The following FMN1 variants were observed in gnomAD, a reference collection of about 807,000 sequenced individuals.
FMN1 encodes the protein formin-1.
FMN1 carries 110 observed loss-of-function variants against 132.4 expected under a neutral mutation model. The observed-to-expected ratio is 0.83, with a 90% confidence interval of 0.71 to 0.97. The LOEUF (loss-of-function observed/expected upper bound fraction) is 0.97. Ranked by LOEUF, FMN1 falls within the 50% of genes least tolerant of loss-of-function variation. The probability of loss-of-function intolerance (pLI) is 0.00; values close to 1 mark genes in which losing one functional copy is unlikely to be tolerated. For synonymous variants in FMN1, 722 were observed against 651.7 expected, an observed-to-expected ratio of 1.11 and a Z score of -1.64; for missense variants, 1,792 against 1,705.3, an observed-to-expected ratio of 1.05 and a Z score of -0.90.
intron 5 of FMN1, among the ~76,000 whole-genome samples, chr15:33,070,000 T>C (rs1222573987): frequency 6.7e-4 from 87 of 129,008 alleles, no homozygotes; most frequent in Non-Finnish European, 1.1e-3. Context: ...TCTCTTTTTT[T>C]TTTTTTTTTT....
At chr15:32,828,249 G>C (rs796319288) in intron 17 of FMN1, among the ~76,000 whole-genome samples, 11 of 152,330 alleles carry the variant, frequency 7.2e-5, no homozygotes, top group African/African-American at 2.6e-4. Flanking sequence ...ACTCCAGCCT[G>C]GGCAACAGAG....
chr15:32,947,053 T>C (rs1455886665), intron 9 of FMN1, among the ~76,000 whole-genome samples: 1 of 152,194 alleles, frequency 6.6e-6, no homozygotes, highest in Non-Finnish European at 1.5e-5. Flanking sequence ...TCAATGATTT[T>C]ATTTTAATGT....
intron 6 of FMN1, among the ~76,000 whole-genome samples, chr15:33,009,946 G>A (rs981741736): frequency 6.6e-6 from 1 of 152,090 alleles, no homozygotes; most frequent in African/African-American, 2.4e-5. Flanking sequence ...AAGTGCAATG[G>A]CACGATCTTG....
intron 3 of FMN1, among the ~76,000 whole-genome samples, chr15:33,168,757 G>A (rs1965205293): frequency 6.6e-6 from 1 of 152,192 alleles, no homozygotes; most frequent in Admixed American, 6.5e-5. Flanking sequence ...TTGGCACAAG[G>A]CTGCAGGTTC....
intron 2 of FMN1, among the ~76,000 whole-genome samples, chr15:33,193,053 G>A (rs1198391098): frequency 6.6e-6 from 1 of 152,138 alleles, no homozygotes; most frequent in Non-Finnish European, 1.5e-5. Context: ...CTTCTCCATT[G>A]TTTCCCTCCA....
chr15:32,888,215 T>TA lies in FMN1; in HGVS notation c.3791_3792insT (p.Glu1264AspfsTer18). On this transcript the variant is annotated frameshift_variant, in exon 16 of 21. Coordinates refer to ENST00000616417, the MANE Select transcript of FMN1 (RefSeq NM_001277313.2). LOFTEE classifies it high-confidence loss of function. ...GTTTTCTCAAATCTTTTATGAGGTC[T>TA]TCAAACTTGACTTGGGAGGCCAGAA... The TA allele has an allele frequency of 6.2e-7, 1 of 1,613,304 alleles. No individual in the cohort carries two copies. Among genetic ancestry groups the TA allele is most frequent in the Non-Finnish European group, 8.5e-7 (1 of 1,179,538 alleles).
At chr15:32,819,947 G>A (rs1159460991) in intron 17 of FMN1, among the ~76,000 whole-genome samples, 1 of 152,114 alleles carries the variant, frequency 6.6e-6, no homozygotes, top group East Asian at 1.9e-4. Flanking sequence ...AGAATAATCT[G>A]CCTTTGATGT....
intron 19 of FMN1, among the ~76,000 whole-genome samples, chr15:32,790,797 G>A (rs2140939365): frequency 6.6e-6 from 1 of 152,272 alleles, no homozygotes; most frequent in South Asian, 2.1e-4. Flanking sequence ...CCAGCTGTGC[G>A]CTGGAGAATG....
rs535161039 is a variant in FMN1 at position 33,176,140 on chromosome 15, C to T, written c.-132+4058G>A. On this transcript the variant is annotated intron_variant, in intron 3 of 20. Transcript: ENST00000616417. ...CTATAATCCCAGCACTTTGGGAGGCCGAGGAGGGTGGATCAAGAGGTCAGG... is the reference window on the plus strand; with the variant it reads ...CTATAATCCCAGCACTTTGGGAGGCTGAGGAGGGTGGATCAAGAGGTCAGG... Among the ~76,000 whole-genome samples the T allele has an allele frequency of 3.3e-5, 5 of 152,038 alleles. No homozygotes were observed. The South Asian group carries it at 6.2e-4, about 19-fold the overall frequency.
rs1963770676 is a variant in FMN1 at position 33,136,463 on chromosome 15, A to G, written c.1867+16585T>C. Among the ~76,000 whole-genome samples, 8 of 152,354 alleles carry G rather than the reference A, an allele frequency of 5.3e-5. No homozygotes were observed. The South Asian group carries it at 1.7e-3, about 32-fold the overall frequency. The stretch of plus-strand genomic sequence containing the variant: ...GGAAGAGCTTCAAATAGGACTATGG[A>G]ATAGTTCTTAAACTCCCACTTCCTA... On this transcript the variant is annotated intron_variant, in intron 4 of 20. Coordinates refer to ENST00000616417, the MANE Select transcript of FMN1 (RefSeq NM_001277313.2).
chr15:32,963,430 G>A (rs1260939521), intron 9 of FMN1, among the ~76,000 whole-genome samples: 1 of 151,700 alleles, frequency 6.6e-6, no homozygotes, highest in African/African-American at 2.4e-5. Flanking sequence ...CACCAGCATG[G>A]CACATGTATA....
chr15:33,051,202 A>AT (rs1259617210), intron 6 of FMN1, among the ~76,000 whole-genome samples: 3 of 152,136 alleles, frequency 2.0e-5, no homozygotes, highest in African/African-American at 7.2e-5. Context: ...TGTTCCTTGG[A>AT]TTTTTTACAC....
intron 4 of FMN1, among the ~76,000 whole-genome samples, chr15:33,101,417 C>T (rs2039289297): frequency 6.6e-6 from 1 of 151,904 alleles, no homozygotes; most frequent in Non-Finnish European, 1.5e-5. Flanking sequence ...TTGTCTTTAG[C>T]CACATGTAAG....
intron 6 of FMN1, among the ~76,000 whole-genome samples, chr15:33,023,068 A>AG (rs1446476263): frequency 0.025 from 2,156 of 86,094 alleles, 50 homozygotes; most frequent in South Asian, 0.12. Context: ...CCAAAAAAAA[A>AG]AAAAAAAAAG....
intron 15 of FMN1, among the ~76,000 whole-genome samples, chr15:32,890,435 T>C (rs1317027128): frequency 6.6e-6 from 1 of 152,180 alleles, no homozygotes; most frequent in African/African-American, 2.4e-5. Context: ...CCAACATCTG[T>C]TTTCTGATTT....
intron 4 of FMN1, among the ~76,000 whole-genome samples, chr15:33,145,254 A>G (rs2140262109): frequency 6.6e-6 from 1 of 152,072 alleles, no homozygotes; most frequent in Admixed American, 6.6e-5. Flanking sequence ...TGTGTTGCCC[A>G]AGGCACAACT....
chr15:33,044,336 A>G (rs2036579212), intron 6 of FMN1, among the ~76,000 whole-genome samples: 1 of 152,208 alleles, frequency 6.6e-6, no homozygotes, highest in Non-Finnish European at 1.5e-5. Context: ...GAAGGTCTGA[A>G]GCCTGGAGGT....
chr15:32,784,464 A>T (rs2056783161), intron 19 of FMN1, among the ~76,000 whole-genome samples: 1 of 152,040 alleles, frequency 6.6e-6, no homozygotes, highest in African/African-American at 2.4e-5. Context: ...TCTTCAGGAG[A>T]AAGACAACAG....
chr15:32,977,402 C>G (rs2032296681), intron 7 of FMN1, among the ~76,000 whole-genome samples: 1 of 152,138 alleles, frequency 6.6e-6, no homozygotes. Context: ...AATATTTGCC[C>G]TCCATCCTCC....
Sources: allele counts gnomAD v4.1 joint callset (sites outside exome capture counted in the v4.1 genomes callset), GRCh38; gene constraint gnomAD v4.1.1; transcripts MANE v1.5; gene names NCBI Gene and HGNC (gene_info 2026-07-23, HGNC 2026-07-21).